Variants in SLC2A14 observed in about 807,000 individuals in gnomAD.
SLC2A14 encodes the protein solute carrier family 2, facilitated glucose transporter member 14.
A neutral mutation model predicts 43.0 loss-of-function variants in SLC2A14; 13 were observed. The observed-to-expected ratio is 0.30, with a 90% CI of 0.20 to 0.48. The LOEUF (loss-of-function observed/expected upper bound fraction) is 0.48, where lower values mean the gene tolerates loss of function less well. SLC2A14 is among the 20% of genes least tolerant of loss of function. The pLI, the probability that SLC2A14 is intolerant of heterozygous loss-of-function variation, is 0.99. For missense variants in SLC2A14, 428 were observed against 620.4 expected, an observed-to-expected ratio of 0.69 and a Z score of 3.29; for synonymous variants, 190 against 233.8, an observed-to-expected ratio of 0.81 and a Z score of 1.71.
At position 7,865,136 on chromosome 12, in the gene SLC2A14, C is replaced by T. The variant is rs192487196; in HGVS notation, c.18+4727G>A. 1.4e-3 allele frequency among the ~76,000 whole-genome samples: 216 copies of T among 152,204 alleles called. 1 individual carries two copies. The highest frequency in any genetic ancestry group is 4.7e-3 in the African/African-American group (197 of 41,534). On this transcript the variant is annotated intron_variant, in intron 2 of 10. Transcript: ENST00000431042. Reference sequence around the variant, plus strand: ...AATTCTTGTAATATTTCAAACATTTCGTTATTATTATATCTGTTATAGTGA... The same window carrying T: ...AATTCTTGTAATATTTCAAACATTTTGTTATTATTATATCTGTTATAGTGA...
chr12:7,852,501 C>CT (rs1867020387), intron 2 of SLC2A14, among the ~76,000 whole-genome samples: 1 of 152,092 alleles, frequency 6.6e-6, no homozygotes, highest in South Asian at 2.1e-4. Context: ...ACTTTTCTAA[C>CT]TTTTTCCCAT....
At chr12:7,826,456 C>G (rs1253116148) in intron 7 of SLC2A14, among the ~76,000 whole-genome samples, 1 of 152,080 alleles carries the variant, frequency 6.6e-6, no homozygotes, top group Non-Finnish European at 1.5e-5. Context: ...GGCCAAGAAC[C>G]AACTTAGTAT....
intron 2 of SLC2A14, among the ~76,000 whole-genome samples, chr12:7,836,904 C>T (rs991390015): frequency 6.6e-6 from 1 of 152,082 alleles, no homozygotes; most frequent in African/African-American, 2.4e-5. Context: ...CACCGTGGCT[C>T]ATGCCTATAA....
At chr12:7,874,935 AAT>A (rs1565585131), upstream of SLC2A14, among the ~76,000 whole-genome samples, 5 of 65,878 alleles carry the variant, frequency 7.6e-5, no homozygotes, top group Non-Finnish European at 1.3e-4. Context: ...ATTTATATAT[AAT>A]TTATATATAA....
upstream of SLC2A14, among the ~76,000 whole-genome samples, chr12:7,876,131 A>G (rs1945459945): frequency 6.6e-6 from 1 of 151,804 alleles, no homozygotes; most frequent in Non-Finnish European, 1.5e-5. Flanking sequence ...TACAAAAAAA[A>G]TTAGCCAGGC....
In SLC2A14 at chr12:7,829,780, T is replaced by C; in HGVS notation, c.499A>G (p.Ile167Val). Residue 167 changes from isoleucine (I) to valine (V), a missense_variant, in exon 5 of 11, where the codon ATT (isoleucine) becomes GTT (valine). Physicochemically the swap from Ile to Val is conservative, Grantham distance 29. Coordinates refer to ENST00000431042, the MANE Select transcript of SLC2A14 (RefSeq NM_001286234.2). ...TLNQLGIVIGILVAQIFGLEL... is the reference protein window; with the variant it reads ...TLNQLGIVIGVLVAQIFGLEL... ...TTCTAGAGTACCTGGGCCACCAGAA[T>C]TCCAATAACTATGCCCAGCTGGTTG... 2 of 1,614,176 alleles carry C rather than the reference T, an allele frequency of 1.2e-6. No homozygotes were observed. The highest frequency in any genetic ancestry group is 8.5e-7 in the Non-Finnish European group (1 of 1,180,032).
At chr12:7,874,814 AT>A (rs747858798), upstream of SLC2A14, among the ~76,000 whole-genome samples, 6 of 68,964 alleles carry the variant, frequency 8.7e-5, 1 homozygote, top group East Asian at 2.2e-3. Context: ...ATAAATACGT[AT>A]TTATATATAA....
At chr12:7,876,474 G>C (rs2121094579), upstream of SLC2A14, among the ~76,000 whole-genome samples, 1 of 152,104 alleles carries the variant, frequency 6.6e-6, no homozygotes, top group South Asian at 2.1e-4. Context: ...GTGGAGAAAA[G>C]AGAAAGTGTT....
intron 2 of SLC2A14, among the ~76,000 whole-genome samples, chr12:7,833,193 T>C (rs917718225): frequency 6.6e-6 from 1 of 152,176 alleles, no homozygotes. Context: ...TTACTAAGAA[T>C]TGATCATTTT....
intron 1 of SLC2A14, chr12:7,890,748 G>A: frequency 3.7e-6 from 1 of 268,240 alleles, no homozygotes; most frequent in Non-Finnish European, 7.1e-6. Flanking sequence ...GGGAGCGGGG[G>A]ATGGGGGAAT....
rs199712350 is a variant in SLC2A14 at position 7,832,730 on chromosome 12, G to A, written c.103C>T (p.Pro35Ser). The A allele has an allele frequency of 1.4e-5, 23 of 1,613,870 alleles. No homozygotes were observed. The highest frequency in any genetic ancestry group is 1.9e-5 in the Non-Finnish European group (22 of 1,179,930). The change falls in exon 3 of 11, where the codon CCT (proline) becomes TCT (serine). Residue 35 changes from proline (P) to serine (S), a missense_variant. Coordinates refer to ENST00000431042, the MANE Select transcript of SLC2A14 (RefSeq NM_001286234.2). Reference sequence around the variant, plus strand: ...TGTGGCCTGGCACTCACCGTCTCAGGAGCATTGATGACCCCAGTGTTGTAG... The same window carrying A: ...TGTGGCCTGGCACTCACCGTCTCAGAAGCATTGATGACCCCAGTGTTGTAG... ...FGYNTGVINAPETIIKEFINK... is the reference protein window; with the variant it reads ...FGYNTGVINASETIIKEFINK...
intron 2 of SLC2A14, chr12:7,856,136 T>C (rs1867352138): frequency 6.6e-6 from 1 of 152,156 alleles, no homozygotes; most frequent in Admixed American, 6.5e-5. Flanking sequence ...ATGGGTTTTG[T>C]TTCCTAAAAC....
chr12:7,887,593 ATAGATAGATAGATAGATAGT>A (rs879349766), intron 1 of SLC2A14, among the ~76,000 whole-genome samples: 2,955 of 145,438 alleles, frequency 0.02, 39 homozygotes, highest in South Asian at 0.041. Flanking sequence ...AGATAGATAG[ATAGATAGATAGATAGATAGT>A]TAGATAGATA....
chr12:7,885,245 T>C (rs1945668982), intron 1 of SLC2A14, among the ~76,000 whole-genome samples: 2 of 152,116 alleles, frequency 1.3e-5, no homozygotes, highest in Admixed American at 1.3e-4. Flanking sequence ...GGCGGGCAGA[T>C]CACGAGGTCA....
At chr12:7,873,302 C>G (rs964572945), upstream of SLC2A14, 7 of 985,538 alleles carry the variant, frequency 7.1e-6, no homozygotes, top group Non-Finnish European at 8.4e-6. Flanking sequence ...GCTATCCCCG[C>G]GGGCGGGCCG....
chr12:7,883,423 T>G (rs1051272294), intron 1 of SLC2A14, among the ~76,000 whole-genome samples: 6 of 136,460 alleles, frequency 4.4e-5, no homozygotes, highest in African/African-American at 1.6e-4. Flanking sequence ...CCCGCCACCA[T>G]GCATGGCTGA....
intron 5 of SLC2A14, 122 bp downstream of exon 5, chr12:7,829,644 T>G (rs985720867): frequency 1.5e-6 from 2 of 1,365,642 alleles, no homozygotes; most frequent in Admixed American, 5.0e-5. Flanking sequence ...CTACTATCTA[T>G]TATCTAAAAC....
intron 8 of SLC2A14, among the ~76,000 whole-genome samples, chr12:7,820,226 C>T (rs1266171243): frequency 1.5e-5 from 2 of 137,412 alleles, no homozygotes; most frequent in African/African-American, 5.7e-5. Flanking sequence ...CTCCAGACCT[C>T]GCCCTGTGAA....
chr12:7,820,732 T>A (rs1465585301), intron 8 of SLC2A14, among the ~76,000 whole-genome samples: 1 of 149,874 alleles, frequency 6.7e-6, no homozygotes, highest in Admixed American at 6.7e-5. Context: ...CATCCATCCA[T>A]ATTTGCTTGA....
Sources: allele counts gnomAD v4.1 joint callset (sites outside exome capture counted in the v4.1 genomes callset), GRCh38; gene constraint gnomAD v4.1.1; transcripts MANE v1.5; gene names NCBI Gene and HGNC (gene_info 2026-07-23, HGNC 2026-07-21).